The following GPC5 variants were observed in gnomAD, a reference collection of about 807,000 sequenced individuals.
GPC5 encodes the protein glypican 5, also known as glypican-5.
In GPC5, 47 loss-of-function variants were observed where a neutral mutation model predicts 53.9. That is an observed-to-expected ratio of 0.87 (90% CI 0.69 to 1.11). The LOEUF is 1.11. Ranked by LOEUF, GPC5 falls within the 50% of genes most tolerant of loss-of-function variation. The pLI, the probability that GPC5 is intolerant of heterozygous loss-of-function variation, is 0.00. For synonymous variants in GPC5, 286 were observed against 263.3 expected, an observed-to-expected ratio of 1.09 and a Z score of -0.84; for missense variants, 748 against 713.1, an observed-to-expected ratio of 1.05 and a Z score of -0.56.
At chr13:92,232,638 T>C (rs1490307069) in intron 7 of GPC5, among the ~76,000 whole-genome samples, 1 of 152,214 alleles carries the variant, frequency 6.6e-6, no homozygotes, top group African/African-American at 2.4e-5. Context: ...ACTATAAAGT[T>C]AAATCAGAAG....
chr13:91,921,787 AAAAG>A (rs61008129), intron 6 of GPC5, among the ~76,000 whole-genome samples: 98,217 of 145,216 alleles, frequency 0.68, 33,373 homozygotes, highest in East Asian at 0.95. Flanking sequence ...TTAAAAAAAA[AAAAG>A]AAAGAAAGAA....
intron 2 of GPC5, among the ~76,000 whole-genome samples, chr13:91,619,350 A>G (rs992373504): frequency 2.0e-5 from 3 of 152,086 alleles, no homozygotes; most frequent in Non-Finnish European, 4.4e-5. Flanking sequence ...CCCAGCTCCT[A>G]TACGAGGGCA....
chr13:92,649,811 T>C (rs1394562481), intron 7 of GPC5, among the ~76,000 whole-genome samples: 2 of 152,124 alleles, frequency 1.3e-5, no homozygotes, highest in African/African-American at 4.8e-5. Flanking sequence ...AGTTTATTAC[T>C]CTTAAAACGT....
intron 6 of GPC5, among the ~76,000 whole-genome samples, chr13:91,947,648 C>CTGAGGGAACAGTGGCATAG (rs2039986178): frequency 6.6e-6 from 1 of 151,798 alleles, no homozygotes; most frequent in Non-Finnish European, 1.5e-5. Flanking sequence ...GAGAGCACGA[C>CTGAGGGAACAGTGGCATAG]TGAGGAAACA....
intron 7 of GPC5, among the ~76,000 whole-genome samples, chr13:92,685,916 T>TA (rs1458087608): frequency 1.2e-4 from 1 of 8,640 alleles, no homozygotes; most frequent in East Asian, 5.2e-3. Context: ...GGCTGCATAG[T>TA]ATTCCATGGT....
At chr13:92,196,054 G>T (rs1165125296) in intron 7 of GPC5, among the ~76,000 whole-genome samples, 1 of 152,134 alleles carries the variant, frequency 6.6e-6, no homozygotes, top group Non-Finnish European at 1.5e-5. Flanking sequence ...CAAAGTGGAA[G>T]CACAGCGGAA....
chr13:92,516,150 A>G (rs1456755279), intron 7 of GPC5, among the ~76,000 whole-genome samples: 1 of 152,132 alleles, frequency 6.6e-6, no homozygotes, highest in African/African-American at 2.4e-5. Flanking sequence ...TTTGTTAGGT[A>G]CAGCTAATTT....
At chr13:91,931,713 A>C (rs2039823379) in intron 6 of GPC5, among the ~76,000 whole-genome samples, 1 of 152,046 alleles carries the variant, frequency 6.6e-6, no homozygotes, top group African/African-American at 2.4e-5. Flanking sequence ...AAGTACTGGA[A>C]GCGGAAAAAG....
chr13:92,296,489 G>A (rs1051828751), intron 7 of GPC5, among the ~76,000 whole-genome samples: 11 of 152,134 alleles, frequency 7.2e-5, no homozygotes, highest in Non-Finnish European at 5.9e-5. Flanking sequence ...CTAGTGAGAG[G>A]TAACAGCATG....
Position 92,599,905 on chromosome 13 carries a change from A to T in GPC5, c.1562-266377A>T, listed in dbSNP as rs1883992336. The stretch of plus-strand genomic sequence containing the variant: ...CATACAATTCAGTGGCATTGATTAC[A>T]TTTATGATGTTGTACAATCATCGCC... On this transcript the variant is annotated intron_variant, in intron 7 of 7. Transcript: ENST00000377067. 2.6e-5 allele frequency among the ~76,000 whole-genome samples: 4 copies of T among 152,170 alleles called. No homozygotes were observed. In the South Asian group the frequency reaches 8.3e-4, roughly 31 times the overall value.
intron 7 of GPC5, among the ~76,000 whole-genome samples, chr13:92,415,571 T>G (rs527892377): frequency 3.9e-5 from 6 of 152,192 alleles, no homozygotes; most frequent in African/African-American, 1.4e-4. Flanking sequence ...AGTAGCATCC[T>G]GCAATAGTGA....
chr13:92,298,294 T>C (rs1243861148), intron 7 of GPC5, among the ~76,000 whole-genome samples: 2 of 152,140 alleles, frequency 1.3e-5, no homozygotes. Context: ...CCCCTGACTG[T>C]GGATTCTGCA....
intron 7 of GPC5, among the ~76,000 whole-genome samples, chr13:92,357,148 C>T (rs1006943031): frequency 4.0e-5 from 6 of 151,634 alleles, no homozygotes; most frequent in African/African-American, 9.8e-5. Flanking sequence ...TCCATGTCTT[C>T]GCTGTGTTAA....
In GPC5 at chr13:91,536,795, C is replaced by A. The variant is rs549202088; in HGVS notation, c.325+87873C>A. ...TATGAAACAATAAATTGTGGCACAGCTCACTTTGTGGTAATTTGTTACAGA... is the reference window on the plus strand; with the variant it reads ...TATGAAACAATAAATTGTGGCACAGATCACTTTGTGGTAATTTGTTACAGA... On this transcript the variant is annotated intron_variant, in intron 2 of 7. Transcript: ENST00000377067. 2.0e-5 allele frequency among the ~76,000 whole-genome samples: 3 copies of A among 152,306 alleles called. No individual in the cohort carries two copies. In the East Asian group the frequency reaches 5.8e-4, roughly 29 times the overall value.
chr13:92,293,468 T>C (rs1200836218), intron 7 of GPC5, among the ~76,000 whole-genome samples: 1 of 136,710 alleles, frequency 7.3e-6, no homozygotes, highest in Non-Finnish European at 1.5e-5. Context: ...TTGTAAAAGG[T>C]TGAGTTCTTG....
At chr13:91,894,448 C>T (rs1264466525) in intron 5 of GPC5, among the ~76,000 whole-genome samples, 1 of 152,128 alleles carries the variant, frequency 6.6e-6, no homozygotes, top group African/African-American at 2.4e-5. Context: ...GGAGATTTCC[C>T]CATGATGACC....
At chr13:92,469,313 AT>A (rs1477788523) in intron 7 of GPC5, among the ~76,000 whole-genome samples, 1 of 151,996 alleles carries the variant, frequency 6.6e-6, no homozygotes, top group Non-Finnish European at 1.5e-5. Flanking sequence ...GGTTTAAGTA[AT>A]TCTCTGCCTC....
chr13:92,245,739 TTAAAA>T (rs2042645723), intron 7 of GPC5, among the ~76,000 whole-genome samples: 2 of 152,164 alleles, frequency 1.3e-5, no homozygotes, highest in Admixed American at 6.6e-5. Flanking sequence ...TTATTTTCTC[TTAAAA>T]TAATGTTGGC....
chr13:91,433,265 A>G (rs1197258908), intron 1 of GPC5, among the ~76,000 whole-genome samples: 1 of 150,374 alleles, frequency 6.7e-6, no homozygotes, highest in African/African-American at 2.5e-5. Flanking sequence ...TTTGTTACAT[A>G]TGTATACATG....
Sources: gnomAD v4.1 joint callset for allele counts (sites outside exome capture counted in the v4.1 genomes callset) on GRCh38, gnomAD v4.1.1 for gene constraint, MANE v1.5 for transcripts, NCBI Gene and HGNC (gene_info 2026-07-23, HGNC 2026-07-21) for gene names.